Variants in GFRA1 observed in about 807,000 individuals in gnomAD.
GFRA1 encodes the protein GDNF family receptor alpha-1.
A neutral mutation model predicts 51.6 loss-of-function variants in GFRA1; 16 were observed. That is an observed-to-expected ratio of 0.31 (90% confidence interval 0.21 to 0.47). The LOEUF is 0.47. Among genes scored for constraint, GFRA1 ranks in the 20% least tolerant of loss-of-function variants. GFRA1 has a pLI of 1.00. For missense variants in GFRA1, 530 were observed against 594.3 expected (o/e 0.89, Z 1.13); for synonymous variants, 270 against 241.3 (o/e 1.12, Z -1.10).
intron 10 of GFRA1, among the ~76,000 whole-genome samples, chr10:116,065,008 A>G (rs1225252750): frequency 6.6e-6 from 1 of 151,966 alleles, no homozygotes; most frequent in Non-Finnish European, 1.5e-5. Context: ...GAACTAAACC[A>G]GAACTCTGGC....
intron 4 of GFRA1, among the ~76,000 whole-genome samples, chr10:116,250,954 A>G (rs1968294314): frequency 1.3e-5 from 2 of 152,164 alleles, no homozygotes; most frequent in South Asian, 2.1e-4. Flanking sequence ...TTCTGCCACA[A>G]TGCTCTTCAG....
chr10:116,163,272 A>G (rs527317130), intron 5 of GFRA1, among the ~76,000 whole-genome samples: 11 of 152,360 alleles, frequency 7.2e-5, no homozygotes, highest in African/African-American at 2.6e-4. Flanking sequence ...ATGGGAGCTC[A>G]GGCCAACATT....
chr10:116,083,260 C>T (rs903124326), intron 9 of GFRA1, among the ~76,000 whole-genome samples: 3 of 152,168 alleles, frequency 2.0e-5, no homozygotes, highest in African/African-American at 7.2e-5. Context: ...AGGGGGTGAA[C>T]CCCCTTCCCG....
chr10:116,141,336 G>A lies in GFRA1; in HGVS notation c.434-15779C>T, dbSNP rs1411232267. 3.3e-5 allele frequency among the ~76,000 whole-genome samples: 5 copies of A among 152,294 alleles called. No individual in the cohort carries two copies. The South Asian group carries it at 8.3e-4, about 25-fold the overall frequency. On this transcript the variant is annotated intron_variant, in intron 5 of 10. Coordinates refer to ENST00000355422, the MANE Select transcript of GFRA1 (RefSeq NM_005264.8). The stretch of plus-strand genomic sequence containing the variant: ...GATGAGGCTGCCACTTTCTGACAAA[G>A]TAACTCAATTAGAAATGTAAGAGGC...
rs997084142 is a variant in GFRA1, at chr10:116,272,172, A to T, written c.-143T>A. ...AAAGTTCAGCTCCATCCAGTGAAAG[A>T]GGAAACTCCGGGTCTGGCAGCAGCC... On this transcript the variant is annotated 5_prime_UTR_variant, in exon 2 of 11. Coordinates refer to ENST00000355422, the MANE Select transcript of GFRA1 (RefSeq NM_005264.8). This position sits in a 1 kb window ranked among gnomAD's most constrained non-coding sequence, Gnocchi z 4.4. 5 of 770,186 alleles carry T rather than the reference A, an allele frequency of 6.5e-6. No homozygotes were observed. In the African/African-American group the frequency reaches 8.7e-5, roughly 13 times the overall value. The allele number at this position is 770,186 out of a possible 1,614,324, so 47.7% of individuals were successfully genotyped here. A position where few individuals can be genotyped will look rare whatever the true frequency, so the allele number is the denominator to read the frequency against.
chr10:116,143,492 C>T (rs1410018505), intron 5 of GFRA1, among the ~76,000 whole-genome samples: 1 of 152,180 alleles, frequency 6.6e-6, no homozygotes, highest in African/African-American at 2.4e-5. Context: ...AATCTACAAA[C>T]AGCAGCAATG....
At chr10:116,261,892 G>A (rs543798525) in intron 4 of GFRA1, among the ~76,000 whole-genome samples, 3 of 152,298 alleles carry the variant, frequency 2.0e-5, no homozygotes, top group African/African-American at 7.2e-5. Flanking sequence ...AGGACCTGCA[G>A]ACACTGGCCC....
intron 5 of GFRA1, among the ~76,000 whole-genome samples, chr10:116,189,457 CT>C (rs2134315056): frequency 6.6e-6 from 1 of 152,280 alleles, no homozygotes; most frequent in East Asian, 1.9e-4. Context: ...CCCTTCTTCC[CT>C]CTTTTTTTGA....
chr10:116,241,769 T>C (rs2134635438), intron 4 of GFRA1, among the ~76,000 whole-genome samples: 1 of 152,322 alleles, frequency 6.6e-6, no homozygotes. Context: ...CTGATGTATT[T>C]GTTCTGCAGG....
intron 5 of GFRA1, among the ~76,000 whole-genome samples, chr10:116,204,069 G>A (rs1012970512): frequency 6.6e-6 from 1 of 152,224 alleles, no homozygotes; most frequent in African/African-American, 2.4e-5. Context: ...TCTGGCCTTG[G>A]AAAGTGTCAA....
chr10:116,230,768 A>G (rs751761423), intron 4 of GFRA1, among the ~76,000 whole-genome samples: 1 of 152,150 alleles, frequency 6.6e-6, no homozygotes, highest in Admixed American at 6.5e-5. Flanking sequence ...AAGAAAAACA[A>G]TAAGTGCTTT....
At chr10:116,233,525 C>A (rs1343199221) in intron 4 of GFRA1, among the ~76,000 whole-genome samples, 2 of 152,122 alleles carry the variant, frequency 1.3e-5, no homozygotes, top group Non-Finnish European at 2.9e-5. Flanking sequence ...CTGGTCCAGC[C>A]TGGATGCAAG....
chr10:116,104,478 G>T (rs966102843), intron 6 of GFRA1, among the ~76,000 whole-genome samples: 3 of 152,180 alleles, frequency 2.0e-5, no homozygotes, highest in Non-Finnish European at 4.4e-5. Flanking sequence ...ACTCACAGGG[G>T]CTCTGGCAAA....
At chr10:116,262,335 A>G (rs149201759) in intron 4 of GFRA1, among the ~76,000 whole-genome samples, 4 of 152,324 alleles carry the variant, frequency 2.6e-5, no homozygotes, top group Non-Finnish European at 4.4e-5. Context: ...ACAAGTGTAC[A>G]GATACTAGCA....
upstream of GFRA1, among the ~76,000 whole-genome samples, chr10:116,274,221 G>A (rs1009022485): frequency 3.4e-5 from 4 of 118,350 alleles, no homozygotes; most frequent in South Asian, 2.8e-4. Flanking sequence ...GGCGCCCGGG[G>A]CACCGAAGTC....
chr10:116,131,568 C>T (rs1004539144), intron 5 of GFRA1, among the ~76,000 whole-genome samples: 3 of 151,994 alleles, frequency 2.0e-5, no homozygotes, highest in Non-Finnish European at 1.5e-5. Flanking sequence ...ACGTGGACTG[C>T]TACTCAGAAA....
intron 7 of GFRA1, among the ~76,000 whole-genome samples, chr10:116,096,279 C>T (rs1364691789): frequency 6.6e-6 from 1 of 152,082 alleles, no homozygotes; most frequent in Non-Finnish European, 1.5e-5. Flanking sequence ...TCCCTTTCTC[C>T]AAAGTTCCCT....
At chr10:116,223,531 A>G (rs1405025163) in intron 4 of GFRA1, among the ~76,000 whole-genome samples, 4 of 152,194 alleles carry the variant, frequency 2.6e-5, no homozygotes, top group African/African-American at 9.6e-5. Flanking sequence ...ATGGCTGTGC[A>G]TGGCAGGACC....
chr10:116,136,965 C>CA (rs1958351679), intron 5 of GFRA1, among the ~76,000 whole-genome samples: 1 of 152,164 alleles, frequency 6.6e-6, no homozygotes, highest in African/African-American at 2.4e-5. Flanking sequence ...TTGGCTTTCC[C>CA]AAAAAGCCAT....
Sources: allele counts gnomAD v4.1 joint callset (sites outside exome capture counted in the v4.1 genomes callset), GRCh38; gene constraint gnomAD v4.1.1; non-coding constraint Gnocchi (gnomAD v3.1); transcripts MANE v1.5; gene names NCBI Gene and HGNC (gene_info 2026-07-23, HGNC 2026-07-21).